Variants in MEI4 observed in about 807,000 individuals in gnomAD.
MEI4 encodes meiotic double-stranded break formation protein 4, also known as meiosis-specific protein MEI4.
In MEI4, 27 loss-of-function variants were observed where a neutral mutation model predicts 31.4. That is an observed-to-expected ratio of 0.86 (90% CI 0.63 to 1.19). MEI4 has a LOEUF of 1.19. Ranked by LOEUF, MEI4 falls within the 50% of genes most tolerant of loss-of-function variation. The probability of loss-of-function intolerance (pLI) is 0.00; values close to 1 mark genes in which losing one functional copy is unlikely to be tolerated. For missense variants in MEI4, 329 were observed against 398.9 expected (o/e 0.82, Z 1.49); for synonymous variants, 122 against 145.4 (o/e 0.84, Z 1.16).
At chr6:77,914,433 T>C (rs1404320987) in intron 4 of MEI4, among the ~76,000 whole-genome samples, 3 of 152,104 alleles carry the variant, frequency 2.0e-5, no homozygotes, top group Admixed American at 2.0e-4. Flanking sequence ...TTTTATATTT[T>C]ATTCCACTGT....
At chr6:77,890,498 T>G (rs2127731869) in intron 4 of MEI4, among the ~76,000 whole-genome samples, 1 of 152,326 alleles carries the variant, frequency 6.6e-6, no homozygotes, top group South Asian at 2.1e-4. Context: ...ACTAACTTAC[T>G]TTTGATTTTA....
chr6:77,843,494 C>A (rs1013149838), intron 4 of MEI4, among the ~76,000 whole-genome samples: 4 of 150,724 alleles, frequency 2.7e-5, no homozygotes, highest in Non-Finnish European at 4.4e-5. Flanking sequence ...TTGAGAAAAA[C>A]CAACCAAGGG....
At chr6:77,921,167 C>T (rs138387016) in intron 4 of MEI4, among the ~76,000 whole-genome samples, 335 of 151,940 alleles carry the variant, frequency 2.2e-3, no homozygotes, top group African/African-American at 7.3e-3. Context: ...GTGTAGCCAC[C>T]TTCATTTATT....
intron 2 of MEI4, among the ~76,000 whole-genome samples, chr6:77,710,399 G>A (rs998881956): frequency 6.6e-6 from 1 of 151,672 alleles, no homozygotes; most frequent in Non-Finnish European, 1.5e-5. Flanking sequence ...GTGCGCACCT[G>A]TAGTCCCAGC....
At chr6:77,775,736 T>C (rs770735142) in intron 3 of MEI4, among the ~76,000 whole-genome samples, 1 of 152,188 alleles carries the variant, frequency 6.6e-6, no homozygotes, top group Non-Finnish European at 1.5e-5. Flanking sequence ...CTGGATCAAA[T>C]GGTAGTTCTA....
chr6:77,902,783 T>G (rs143340079), intron 4 of MEI4, among the ~76,000 whole-genome samples: 334 of 152,194 alleles, frequency 2.2e-3, no homozygotes, highest in African/African-American at 7.3e-3. Context: ...GAAAGCCCCC[T>G]CCTGGCTTCA....
chr6:77,899,051 C>T (rs183930367), intron 4 of MEI4, among the ~76,000 whole-genome samples: 2 of 151,934 alleles, frequency 1.3e-5, no homozygotes, highest in Admixed American at 1.3e-4. Flanking sequence ...CCATGGGTGT[C>T]CCTCATTCTC....
rs551733604 is a variant in MEI4, at chr6:77,848,403, A to G, written c.900+19341A>G. Among the ~76,000 whole-genome samples the G allele has an allele frequency of 2.6e-5, 4 of 152,296 alleles. No homozygotes were observed. In the East Asian group the frequency reaches 7.7e-4, roughly 29 times the overall value. ...CTGATGATGGCAGCATGGGAAGCAG[A>G]AGGAAAGAGGGCCTGGGAGACAGTT... On this transcript the variant is annotated intron_variant, in intron 4 of 4. Coordinates refer to ENST00000684080, the MANE Select transcript of MEI4 (RefSeq NM_001322247.2).
Position 77,682,722 on chromosome 6 carries a change from G to A in MEI4, c.-14-7936G>A, listed in dbSNP as rs150515352. 8.0e-3 allele frequency among the ~76,000 whole-genome samples: 1,215 copies of A among 151,836 alleles called. 19 individuals carry two copies. Among genetic ancestry groups the A allele is most frequent in the African/African-American group, 0.028 (1,164 of 41,178 alleles). ...CTATTTAGTTGTGTGCCTACTGTGA[G>A]CCAGTATTCATGGCATTGGGGATAC... is the stretch of plus-strand genomic sequence containing the variant. On this transcript the variant is annotated intron_variant, in intron 1 of 4. Coordinates refer to ENST00000684080, the MANE Select transcript of MEI4 (RefSeq NM_001322247.2).
At chr6:77,841,333 A>ATATATATATATATATATTTTTT in intron 4 of MEI4, among the ~76,000 whole-genome samples, 6 of 27,736 alleles carry the variant, frequency 2.2e-4, no homozygotes, top group East Asian at 2.2e-3. Flanking sequence ...ATATATATAT[A>ATATATATATATATATATTTTTT]TTTTTTTTTT....
At chr6:77,852,620 A>G (rs1297257437) in intron 4 of MEI4, among the ~76,000 whole-genome samples, 1 of 146,030 alleles carries the variant, frequency 6.8e-6, no homozygotes, top group Non-Finnish European at 1.5e-5. Flanking sequence ...TAGAGACAGG[A>G]AAGTCCAAGA....
At chr6:77,669,524 G>A (rs560898202) in intron 1 of MEI4, among the ~76,000 whole-genome samples, 5 of 152,246 alleles carry the variant, frequency 3.3e-5, no homozygotes, top group African/African-American at 1.2e-4. Flanking sequence ...GTTATTATTA[G>A]TGTCCTCATG....
At chr6:77,840,501 G>A (rs897432713) in intron 4 of MEI4, among the ~76,000 whole-genome samples, 3 of 152,074 alleles carry the variant, frequency 2.0e-5, no homozygotes, top group Non-Finnish European at 4.4e-5. Flanking sequence ...AATTTTCTGT[G>A]AGCCATGAAC....
chr6:77,903,050 G>A (rs2127735777), intron 4 of MEI4, among the ~76,000 whole-genome samples: 1 of 152,246 alleles, frequency 6.6e-6, no homozygotes, highest in South Asian at 2.1e-4. Flanking sequence ...TTTCGATGGA[G>A]TCTTCAGGGT....
intron 1 of MEI4, among the ~76,000 whole-genome samples, chr6:77,688,800 G>C (rs1769105536): frequency 6.6e-6 from 1 of 152,004 alleles, no homozygotes; most frequent in African/African-American, 2.4e-5. Context: ...CTTGAAGGAG[G>C]GTCTCAAAAA....
At chr6:77,754,796 G>A (rs1767870018) in intron 2 of MEI4, among the ~76,000 whole-genome samples, 1 of 152,142 alleles carries the variant, frequency 6.6e-6, no homozygotes, top group African/African-American at 2.4e-5. Flanking sequence ...GAGAGAGAGA[G>A]TGAAGGGGGA....
chr6:77,850,878 G>T (rs1770599812), intron 4 of MEI4, among the ~76,000 whole-genome samples: 1 of 151,496 alleles, frequency 6.6e-6, no homozygotes, highest in South Asian at 2.1e-4. Context: ...AATTTCTGCA[G>T]TCTACTCATC....
At chr6:77,752,856 A>G (rs1328553609) in intron 2 of MEI4, among the ~76,000 whole-genome samples, 1 of 152,130 alleles carries the variant, frequency 6.6e-6, no homozygotes, top group Non-Finnish European at 1.5e-5. Context: ...CAACTATACT[A>G]CAAGGCTACA....
At chr6:77,808,858 A>G (rs1048543074) in intron 3 of MEI4, among the ~76,000 whole-genome samples, 1 of 152,180 alleles carries the variant, frequency 6.6e-6, no homozygotes, top group Non-Finnish European at 1.5e-5. Context: ...TGGTTTTTCA[A>G]GGCTGTCCTA....
Sources: allele counts gnomAD v4.1 joint callset (sites outside exome capture counted in the v4.1 genomes callset), GRCh38; gene constraint gnomAD v4.1.1; transcripts MANE v1.5; gene names NCBI Gene and HGNC (gene_info 2026-07-23, HGNC 2026-07-21).